The following VMP1 variants were observed in gnomAD, a reference collection of about 807,000 sequenced individuals.
VMP1 encodes the protein ectopic P-granules autophagy protein 3 homolog.
In VMP1, 11 loss-of-function variants were observed where a neutral mutation model predicts 56.0. The observed-to-expected ratio is 0.20, with a 90% CI of 0.12 to 0.32. The LOEUF (loss-of-function observed/expected upper bound fraction) is 0.32. VMP1 is among the 10% of genes least tolerant of loss of function. The probability of loss-of-function intolerance (pLI) is 1.00; values close to 1 mark genes in which losing one functional copy is unlikely to be tolerated. For synonymous variants in VMP1, 149 were observed against 165.0 expected, an observed-to-expected ratio of 0.90 and a Z score of 0.74; for missense variants, 296 against 490.3, an observed-to-expected ratio of 0.60 and a Z score of 3.74.
chr17:59,763,395 A>C (rs981043180), intron 5 of VMP1, among the ~76,000 whole-genome samples: 14 of 152,112 alleles, frequency 9.2e-5, no homozygotes, highest in Admixed American at 2.0e-4. Flanking sequence ...AAAATCTTAT[A>C]TAATTATTTT....
intron 5 of VMP1, among the ~76,000 whole-genome samples, chr17:59,746,019 T>G (rs147404464): frequency 1.3e-5 from 2 of 152,368 alleles, no homozygotes; most frequent in Non-Finnish European, 2.9e-5. Flanking sequence ...GAAGGTATCT[T>G]TTTTGGAAGT....
chr17:59,833,510 A>C (rs979256426), intron 10 of VMP1, among the ~76,000 whole-genome samples: 1 of 152,072 alleles, frequency 6.6e-6, no homozygotes, highest in Non-Finnish European at 1.5e-5. Context: ...AAAGAAACAT[A>C]ATAATAATAA....
At chr17:59,781,882 T>C (rs1349382849) in intron 7 of VMP1, among the ~76,000 whole-genome samples, 3 of 152,176 alleles carry the variant, frequency 2.0e-5, no homozygotes, top group Non-Finnish European at 4.4e-5. Context: ...CCAGTAGTTT[T>C]TCCATGTCAT....
chr17:59,821,338 G>A (rs1243326315), intron 10 of VMP1, among the ~76,000 whole-genome samples: 2 of 151,966 alleles, frequency 1.3e-5, no homozygotes, highest in South Asian at 4.1e-4. Context: ...AAAAATTCCA[G>A]TGATCCTTTA....
intron 7 of VMP1, among the ~76,000 whole-genome samples, chr17:59,803,157 T>G (rs1397132067): frequency 6.6e-6 from 1 of 152,244 alleles, no homozygotes; most frequent in Non-Finnish European, 1.5e-5. Flanking sequence ...CATGTTGACA[T>G]CATTAGATTC....
At chr17:59,791,940 G>T (rs1489729941) in intron 7 of VMP1, among the ~76,000 whole-genome samples, 1 of 152,058 alleles carries the variant, frequency 6.6e-6, no homozygotes, top group African/African-American at 2.4e-5. Context: ...CTTAAACTCT[G>T]CATTTCTTTT....
chr17:59,804,991 A>G (rs1487328592), intron 7 of VMP1, among the ~76,000 whole-genome samples: 1 of 152,238 alleles, frequency 6.6e-6, no homozygotes, highest in African/African-American at 2.4e-5. Flanking sequence ...TATGTTAAAT[A>G]CATAATAAAA....
intron 7 of VMP1, among the ~76,000 whole-genome samples, chr17:59,780,220 T>C (rs555896073): frequency 1.3e-5 from 2 of 152,346 alleles, no homozygotes; most frequent in African/African-American, 4.8e-5. Flanking sequence ...AGTACCTAAT[T>C]TCATATTTGC....
At chr17:59,742,763 C>T (rs572072021) in intron 5 of VMP1, among the ~76,000 whole-genome samples, 1 of 152,184 alleles carries the variant, frequency 6.6e-6, no homozygotes, top group South Asian at 2.1e-4. Flanking sequence ...CTCCCCATCA[C>T]TCGAATTACT....
intron 1 of VMP1, among the ~76,000 whole-genome samples, chr17:59,724,104 C>T (rs1255252505): frequency 2.0e-5 from 3 of 150,820 alleles, no homozygotes; most frequent in African/African-American, 7.3e-5. Flanking sequence ...TCCAGCTGCT[C>T]GGGAGGCTGA....
At chr17:59,811,377 T>C (rs1249043410) in intron 8 of VMP1, among the ~76,000 whole-genome samples, 1 of 152,196 alleles carries the variant, frequency 6.6e-6, no homozygotes. Flanking sequence ...TCTCATGTGA[T>C]GGGCACACAC....
At position 59,769,525 on chromosome 17, in the gene VMP1, GTCTTTGAATAAA is replaced by G. The variant is rs1398851789; in HGVS notation, c.583-4219_583-4208del. The stretch of plus-strand genomic sequence containing the variant: ...TTAAAAGTACAAATTCAGAATTTTT[GTCTTTGAATAAA>G]TCTTTGAATGAATCTTTGAATAAAA... On this transcript the variant is annotated intron_variant, in intron 6 of 11. Coordinates refer to ENST00000262291, the MANE Select transcript of VMP1 (RefSeq NM_030938.5). Among the ~76,000 whole-genome samples, 27 of 152,164 alleles carry G rather than the reference GTCTTTGAATAAA, an allele frequency of 1.8e-4. No homozygotes were observed. The East Asian group carries it at 5.0e-3, about 28-fold the overall frequency.
intron 10 of VMP1, among the ~76,000 whole-genome samples, chr17:59,831,636 A>G (rs1010376586): frequency 2.1e-5 from 3 of 141,076 alleles, no homozygotes; most frequent in Non-Finnish European, 3.1e-5. Context: ...TTTTTTTACA[A>G]TATTTAAGCT....
chr17:59,718,853 A>G (rs2034277597), intron 1 of VMP1, among the ~76,000 whole-genome samples: 2 of 152,148 alleles, frequency 1.3e-5, no homozygotes, highest in South Asian at 4.2e-4. Flanking sequence ...GACCTTAGAA[A>G]GTTGAAAAAA....
intron 5 of VMP1, among the ~76,000 whole-genome samples, chr17:59,741,853 G>C (rs1172755858): frequency 6.6e-6 from 1 of 152,058 alleles, no homozygotes; most frequent in Non-Finnish European, 1.5e-5. Context: ...TGGATCTTTT[G>C]ACTTGTTCTG....
At chr17:59,708,199 C>G (rs553055493) in intron 1 of VMP1, 1 of 152,208 alleles carries the variant, frequency 6.6e-6, no homozygotes, top group Non-Finnish European at 1.5e-5. Context: ...AAACGAAATC[C>G]AGGCGTGCAA....
At chr17:59,806,909 A>C (rs1478500129) in intron 7 of VMP1, among the ~76,000 whole-genome samples, 1 of 151,974 alleles carries the variant, frequency 6.6e-6, no homozygotes, top group East Asian at 1.9e-4. Context: ...TTGACTGATC[A>C]TATTTTTTTT....
Position 59,755,508 on chromosome 17 carries a change from ATTTC to A in VMP1, c.415-9459_415-9456del, listed in dbSNP as rs1483005569. Among the ~76,000 whole-genome samples the A allele has an allele frequency of 2.0e-5, 3 of 152,130 alleles. 1 individual carries two copies. In the South Asian group the frequency reaches 6.2e-4, roughly 31 times the overall value. Reference sequence around the variant, plus strand: ...CATGAACTAATACTATAGAGTTCATATTTCTTTTGTTTTGGCCAGCAATTTTATA... The same window carrying A: ...CATGAACTAATACTATAGAGTTCATATTTTGTTTTGGCCAGCAATTTTATA... On this transcript the variant is annotated intron_variant, in intron 5 of 11. Transcript: ENST00000262291.
intron 7 of VMP1, among the ~76,000 whole-genome samples, chr17:59,779,542 TTC>T (rs1232912113): frequency 6.6e-6 from 1 of 152,216 alleles, no homozygotes; most frequent in Non-Finnish European, 1.5e-5. Flanking sequence ...TAATCTTTTC[TTC>T]TGTTTGTCCT....
Sources: allele counts gnomAD v4.1 joint callset (sites outside exome capture counted in the v4.1 genomes callset), GRCh38; gene constraint gnomAD v4.1.1; transcripts MANE v1.5; gene names NCBI Gene and HGNC (gene_info 2026-07-23, HGNC 2026-07-21).